The following ACAP2 variants were observed in gnomAD, a reference collection of about 807,000 sequenced individuals.
ACAP2 encodes the protein arf-GAP with coiled-coil, ANK repeat and PH domain-containing protein 2.
ACAP2 carries 39 observed loss-of-function variants against 115.8 expected under a neutral mutation model. The observed-to-expected ratio is 0.34, with a 90% CI of 0.26 to 0.44. ACAP2 has a LOEUF of 0.44. Among genes scored for constraint, ACAP2 ranks in the 20% least tolerant of loss-of-function variants. The pLI is 1.00. For missense variants in ACAP2, 662 were observed against 927.6 expected (o/e 0.71, Z 3.72); for synonymous variants, 289 against 315.8 (o/e 0.92, Z 0.90).
At chr3:195,358,298 A>C (rs927075537) in intron 4 of ACAP2, among the ~76,000 whole-genome samples, 4 of 152,200 alleles carry the variant, frequency 2.6e-5, no homozygotes, top group African/African-American at 7.2e-5. Context: ...AGCCTACAAT[A>C]AATATCTAAT....
intron 13 of ACAP2, among the ~76,000 whole-genome samples, chr3:195,303,138 C>T (rs1453599497): frequency 1.3e-5 from 2 of 152,144 alleles, no homozygotes; most frequent in East Asian, 3.8e-4. Flanking sequence ...ATAGCTTAAA[C>T]CCAGGAAACG....
At chr3:195,311,639 C>A (rs1286949026) in intron 10 of ACAP2, among the ~76,000 whole-genome samples, 1 of 152,094 alleles carries the variant, frequency 6.6e-6, no homozygotes, top group Non-Finnish European at 1.5e-5. Flanking sequence ...TGAGTTCAAG[C>A]GATTCTCCTG....
chr3:195,301,259 G>A (rs1415131231), intron 15 of ACAP2, among the ~76,000 whole-genome samples: 1 of 151,890 alleles, frequency 6.6e-6, no homozygotes, highest in Non-Finnish European at 1.5e-5. Context: ...CTAATTTTTT[G>A]TATTTTTTAG....
chr3:195,359,465 TTTTG>T (rs1279457318), intron 4 of ACAP2, among the ~76,000 whole-genome samples: 121 of 152,148 alleles, frequency 8.0e-4, no homozygotes, highest in African/African-American at 2.5e-3. Flanking sequence ...AGTATTGAGT[TTTTG>T]TTTGTTTGTT....
intron 2 of ACAP2, among the ~76,000 whole-genome samples, chr3:195,391,228 CTTTT>C (rs1186667963): frequency 2.3e-5 from 3 of 129,888 alleles, no homozygotes; most frequent in Non-Finnish European, 1.6e-5. Flanking sequence ...GCTTCTCTTT[CTTTT>C]TTTTTTTTTT....
chr3:195,315,126 C>T (rs1406269890), intron 10 of ACAP2, among the ~76,000 whole-genome samples: 2 of 152,228 alleles, frequency 1.3e-5, no homozygotes, highest in East Asian at 1.9e-4. Context: ...AGCGGTCTTC[C>T]CGCCTCAGCC....
chr3:195,350,536 C>T (rs1213743174), intron 4 of ACAP2, among the ~76,000 whole-genome samples: 1 of 151,498 alleles, frequency 6.6e-6, no homozygotes, highest in East Asian at 1.9e-4. Context: ...GTGGTCCCAG[C>T]TACTCAGGAG....
At chr3:195,330,530 G>A (rs770103430) in intron 8 of ACAP2, among the ~76,000 whole-genome samples, 7 of 152,072 alleles carry the variant, frequency 4.6e-5, no homozygotes, top group East Asian at 1.9e-4. Flanking sequence ...AGATGAGAGC[G>A]CAATCTAATA....
intron 1 of ACAP2, chr3:195,410,909 G>A (rs1405587774): frequency 1.8e-5 from 5 of 281,416 alleles, no homozygotes; most frequent in African/African-American, 9.2e-5. Context: ...TTCTGCCATT[G>A]AGGACACATC....
At chr3:195,399,143 CAA>C (rs989250670) in intron 1 of ACAP2, among the ~76,000 whole-genome samples, 15 of 152,038 alleles carry the variant, frequency 9.9e-5, no homozygotes, top group African/African-American at 3.6e-4. Flanking sequence ...CTTTTGCTTT[CAA>C]AAGAGTTAAG....
intron 10 of ACAP2, among the ~76,000 whole-genome samples, chr3:195,313,749 T>C (rs1577283447): frequency 6.6e-6 from 1 of 152,240 alleles, no homozygotes; most frequent in African/African-American, 2.4e-5. Flanking sequence ...TTCAGTTTTA[T>C]TAGTTTTTCC....
At chr3:195,373,452 A>G (rs1164362625) in intron 4 of ACAP2, among the ~76,000 whole-genome samples, 1 of 152,216 alleles carries the variant, frequency 6.6e-6, no homozygotes, top group Non-Finnish European at 1.5e-5. Context: ...AAGTGCACTG[A>G]CTTCCAGAGA....
At chr3:195,333,865 T>C (rs1730330624) in intron 7 of ACAP2, among the ~76,000 whole-genome samples, 1 of 152,186 alleles carries the variant, frequency 6.6e-6, no homozygotes, top group African/African-American at 2.4e-5. Context: ...AGCACAAGCA[T>C]AACCTAAAGT....
chr3:195,374,705 C>CCTTTT (rs60052147), intron 4 of ACAP2, among the ~76,000 whole-genome samples: 6,047 of 151,014 alleles, frequency 0.04, 273 homozygotes, highest in African/African-American at 0.11. Flanking sequence ...ATGCAGAAGA[C>CCTTTT]CTTTTCTTTT....
intron 8 of ACAP2, among the ~76,000 whole-genome samples, chr3:195,331,237 A>AACACAC (rs143740370): frequency 6.6e-6 from 1 of 150,694 alleles, no homozygotes; most frequent in Non-Finnish European, 1.5e-5. Context: ...CCCCCGTCTC[A>AACACAC]ACACACACAC....
chr3:195,283,247 T>C (rs1726622356), intron 22 of ACAP2, among the ~76,000 whole-genome samples: 1 of 152,132 alleles, frequency 6.6e-6, no homozygotes, highest in African/African-American at 2.4e-5. Flanking sequence ...CCATGTCTCC[T>C]AAGGGCTACT....
chr3:195,384,414 A>C (rs139186469), intron 2 of ACAP2, among the ~76,000 whole-genome samples: 2,822 of 152,264 alleles, frequency 0.019, 39 homozygotes, highest in Non-Finnish European at 0.026. Flanking sequence ...GAGTACAAAT[A>C]CTTTTATATA....
At chr3:195,375,831 AAG>A (rs777567908) in intron 4 of ACAP2, among the ~76,000 whole-genome samples, 1 of 152,144 alleles carries the variant, frequency 6.6e-6, no homozygotes, top group African/African-American at 2.4e-5. Flanking sequence ...AGACAACAAA[AAG>A]AGTCATACAT....
At chr3:195,407,370 G>A (rs919915828) in intron 1 of ACAP2, among the ~76,000 whole-genome samples, 1 of 151,696 alleles carries the variant, frequency 6.6e-6, no homozygotes, top group African/African-American at 2.4e-5. Flanking sequence ...ATTAAAAAAA[G>A]GAAAAAATAC....
Sources: gnomAD v4.1 joint callset for allele counts (sites outside exome capture counted in the v4.1 genomes callset) on GRCh38, gnomAD v4.1.1 for gene constraint, MANE v1.5 for transcripts, NCBI Gene and HGNC (gene_info 2026-07-23, HGNC 2026-07-21) for gene names.